Variants in TBC1D9 observed in about 807,000 individuals in gnomAD.
TBC1D9 encodes TBC1 domain family member 9A.
TBC1D9 carries 63 observed loss-of-function variants against 132.0 expected under a neutral mutation model. The observed-to-expected ratio is 0.48, with a 90% confidence interval of 0.39 to 0.59. TBC1D9 has a LOEUF of 0.59. TBC1D9 is among the 20% of genes least tolerant of loss of function. The pLI, the probability that TBC1D9 is intolerant of heterozygous loss-of-function variation, is 0.00. For missense variants in TBC1D9, 1,261 were observed against 1,592.7 expected (o/e 0.79, Z 3.54); for synonymous variants, 610 against 609.9 (o/e 1.00, Z 0.00).
chr4:140,705,870 C>T (rs997612475), intron 1 of TBC1D9, among the ~76,000 whole-genome samples: 17 of 152,254 alleles, frequency 1.1e-4, no homozygotes, highest in South Asian at 2.1e-4. Context: ...CCTAAGATAA[C>T]GAAATCAAAT....
intron 9 of TBC1D9, among the ~76,000 whole-genome samples, chr4:140,664,625 A>G (rs1737414790): frequency 6.6e-6 from 1 of 152,240 alleles, no homozygotes. Flanking sequence ...ATAGACATAC[A>G]GATCAATGGA....
At chr4:140,741,525 T>G (rs1254650840) in intron 1 of TBC1D9, among the ~76,000 whole-genome samples, 1 of 152,114 alleles carries the variant, frequency 6.6e-6, no homozygotes, top group Non-Finnish European at 1.5e-5. Flanking sequence ...AAGACCAGAC[T>G]GGGCAATGTG....
At chr4:140,657,480 A>G (rs1426841599) in intron 12 of TBC1D9, 47 bp downstream of exon 12, 1 of 1,557,674 alleles carries the variant, frequency 6.4e-7, no homozygotes. Flanking sequence ...AGAAAGCATG[A>G]GGAAGAAAAC....
At chr4:140,685,426 T>G (rs1041336529) in intron 3 of TBC1D9, among the ~76,000 whole-genome samples, 2 of 152,118 alleles carry the variant, frequency 1.3e-5, no homozygotes, top group Non-Finnish European at 2.9e-5. Flanking sequence ...ATTCATAATA[T>G]CTGACGAAAT....
At chr4:140,690,053 G>A (rs754085208) in intron 2 of TBC1D9, among the ~76,000 whole-genome samples, 3 of 151,782 alleles carry the variant, frequency 2.0e-5, no homozygotes, top group Non-Finnish European at 2.9e-5. Flanking sequence ...AAGGATAAAG[G>A]TTTCTTTATG....
At chr4:140,702,319 A>C (rs1738085816) in intron 1 of TBC1D9, among the ~76,000 whole-genome samples, 1 of 152,264 alleles carries the variant, frequency 6.6e-6, no homozygotes, top group Non-Finnish European at 1.5e-5. Flanking sequence ...AATGTTCAGC[A>C]AAAGAATTTA....
intron 5 of TBC1D9, among the ~76,000 whole-genome samples, chr4:140,678,299 T>A (rs1737655222): frequency 6.6e-6 from 1 of 152,194 alleles, no homozygotes; most frequent in Admixed American, 6.5e-5. Context: ...GGCACCTCAA[T>A]TCAACATAAT....
chr4:140,641,856 C>A, intron 13 of TBC1D9: 1 of 340,022 alleles, frequency 2.9e-6, no homozygotes, highest in Non-Finnish European at 5.5e-6. Flanking sequence ...GCCTCCTCAC[C>A]CCCCATCTCT....
intron 13 of TBC1D9, chr4:140,644,770 A>C: frequency 7.5e-6 from 3 of 401,344 alleles, no homozygotes; most frequent in South Asian, 6.0e-5. Context: ...TGGAGAGTAC[A>C]GGGCGGGGCA....
intron 13 of TBC1D9, chr4:140,644,840 G>T: frequency 2.4e-6 from 1 of 424,570 alleles, no homozygotes. Flanking sequence ...TGATCTCTGG[G>T]AATGACCAAC....
rs1466390036 is a variant in TBC1D9, at chr4:140,756,211, G to A, written c.-166C>T. 1 of 410,556 alleles carries A rather than the reference G, an allele frequency of 2.4e-6. No individual in the cohort carries two copies. 25.4% of individuals were successfully genotyped at this position (410,556 alleles called of 1,614,324 possible). On this transcript the variant is annotated 5_prime_UTR_variant, in exon 1 of 21. Transcript: ENST00000442267. The surrounding 1 kb of genome is among the most constrained non-coding windows in gnomAD (Gnocchi z 5.6). ...TTCAGGGGGTGGCCCGCGGCGTCCGGGCCACAACAAAGCCCCAGCAGGCGG... is the reference window on the plus strand; with the variant it reads ...TTCAGGGGGTGGCCCGCGGCGTCCGAGCCACAACAAAGCCCCAGCAGGCGG...
intron 13 of TBC1D9, chr4:140,642,389 C>G: frequency 1.2e-6 from 1 of 842,360 alleles, no homozygotes; most frequent in Non-Finnish European, 2.0e-6. Flanking sequence ...ATTTCAGAGA[C>G]AGGCCGGAGG....
chr4:140,754,449 TA>T (rs902805812), intron 1 of TBC1D9, among the ~76,000 whole-genome samples: 54 of 151,054 alleles, frequency 3.6e-4, no homozygotes, highest in African/African-American at 1.3e-3. Context: ...CCCCATCTAT[TA>T]AAAATACAAA....
chr4:140,742,946 A>G (rs1175427987), intron 1 of TBC1D9, among the ~76,000 whole-genome samples: 1 of 151,912 alleles, frequency 6.6e-6, no homozygotes, highest in Non-Finnish European at 1.5e-5. Flanking sequence ...TTACTGGTAG[A>G]GCTTTCAAAA....
intron 1 of TBC1D9, among the ~76,000 whole-genome samples, chr4:140,750,314 C>G (rs1052869443): frequency 6.6e-6 from 1 of 151,504 alleles, no homozygotes; most frequent in African/African-American, 2.4e-5. Context: ...AAGGCAAAGA[C>G]AATTTTTAAA....
rs542912668 is a variant in TBC1D9 at position 140,753,993 on chromosome 4, T to C, written c.130+1923A>G. Reference sequence around the variant, plus strand: ...TAAATACTTTTACTCATGACAATGATTTCAATTATTCCATTAATAAGTGCA... The same window carrying C: ...TAAATACTTTTACTCATGACAATGACTTCAATTATTCCATTAATAAGTGCA... On this transcript the variant is annotated intron_variant, in intron 1 of 20. Transcript: ENST00000442267. Among the ~76,000 whole-genome samples, 6 of 152,348 alleles carry C rather than the reference T, an allele frequency of 3.9e-5. 1 individual carries two copies. The South Asian group carries it at 6.2e-4, about 16-fold the overall frequency.
intron 2 of TBC1D9, 24 bp downstream of exon 2, chr4:140,701,480 G>A (rs559742305): frequency 2.5e-6 from 4 of 1,575,738 alleles, no homozygotes; most frequent in South Asian, 2.2e-5. Flanking sequence ...TAAAACTTGT[G>A]TATTTCTGGA....
intron 1 of TBC1D9, among the ~76,000 whole-genome samples, chr4:140,753,675 T>C (rs2111089058): frequency 6.6e-6 from 1 of 152,334 alleles, no homozygotes; most frequent in East Asian, 1.9e-4. Flanking sequence ...ATTTGGATTC[T>C]GTTTTCTGCT....
In TBC1D9 at chr4:140,622,372, G is replaced by C. The variant is rs775144214; in HGVS notation, c.3624C>G (p.Asp1208Glu). The C allele has an allele frequency of 1.1e-5, 18 of 1,613,244 alleles. No homozygotes were observed. The highest frequency in any genetic ancestry group is 2.7e-5 in the African/African-American group (2 of 74,944). Residue 1208 changes from aspartate (D) to glutamate (E), a missense_variant, in exon 21 of 21, where the codon GAC (aspartate) becomes GAG (glutamate). Around this residue, in one of 3 missense-constraint regions of TBC1D9, gnomAD observed 618 missense variants for 724.4 expected, o/e 0.85. Transcript: ENST00000442267. ...GGAACTGCTCGAAGGTGATGGCCCA[G>C]TCCCGGTCCAGGCTGGTGCTCCGGG... ...ALPRSTSLDRDWAITFEQFLA... is the reference protein window; with the variant it reads ...ALPRSTSLDREWAITFEQFLA...
Sources: gnomAD v4.1 joint callset for allele counts (sites outside exome capture counted in the v4.1 genomes callset) on GRCh38, gnomAD v4.1.1 for gene constraint, gnomAD v4.1.1 regional missense constraint, Gnocchi (gnomAD v3.1) non-coding constraint, MANE v1.5 for transcripts, NCBI Gene and HGNC (gene_info 2026-07-23, HGNC 2026-07-21) for gene names.